OR52A1: variants seen among roughly 807,000 people sequenced by gnomAD.
The protein encoded by OR52A1 is olfactory receptor 52A1.
In OR52A1, 14 loss-of-function variants were observed where a neutral mutation model predicts 14.3. That is an observed-to-expected ratio of 0.98 (90% CI 0.65 to 1.54). The LOEUF is 1.54. Among genes scored for constraint, OR52A1 ranks in the 40% most tolerant of loss-of-function variants. OR52A1 has a pLI of 0.00. For synonymous variants in OR52A1, 151 were observed against 135.3 expected, an observed-to-expected ratio of 1.12 and a Z score of -0.80; for missense variants, 405 against 381.3, an observed-to-expected ratio of 1.06 and a Z score of -0.52.
intron 1 of OR52A1, among the ~76,000 whole-genome samples, chr11:5,153,403 T>C (rs1392354181): frequency 6.6e-6 from 1 of 152,132 alleles, no homozygotes; most frequent in African/African-American, 2.4e-5. Flanking sequence ...ATAAAAAAGC[T>C]AAAGGACAGA....
rs538680528 is a variant in OR52A1 at position 5,148,359 on chromosome 11, G to A, written c.*3072C>T. On this transcript the variant is annotated 3_prime_UTR_variant, in exon 2 of 2. Transcript: ENST00000380367. ...TCCTGCCTCAGCCTCCCGAGTAGCTGGGATTACAGGCACCCCCCCAACACG... is the reference window on the plus strand; with the variant it reads ...TCCTGCCTCAGCCTCCCGAGTAGCTAGGATTACAGGCACCCCCCCAACACG... 1.3e-5 allele frequency: 2 copies of A among 152,056 alleles called. No homozygotes were observed. The highest frequency in any genetic ancestry group is 4.2e-4 in the South Asian group (2 of 4,796). 9.4% of individuals were successfully genotyped at this position (152,056 alleles called of 1,614,324 possible). A position where few individuals can be genotyped will look rare whatever the true frequency, so the allele number is the denominator to read the frequency against.
In OR52A1 at chr11:5,152,417, T is replaced by C; in HGVS notation, c.-48A>G. 2 of 1,338,348 alleles carry C rather than the reference T, an allele frequency of 1.5e-6. No homozygotes were observed. The highest frequency in any genetic ancestry group is 1.0e-6 in the Non-Finnish European group (1 of 965,944). 82.9% of individuals were successfully genotyped at this position (1,338,348 alleles called of 1,614,324 possible). ...CAAACAAAAGAAGTTTCTCAGTCAG[T>C]GTTACTGTTCCTCTTCTGCTTTCTG... On this transcript the variant is annotated 5_prime_UTR_variant, in exon 2 of 2. Transcript: ENST00000380367.
Position 5,148,656 on chromosome 11 carries a change from T to C in OR52A1, c.*2775A>G, listed in dbSNP as rs529763030. ...CTTCTACTAGAAAATGCCAATAGCC[T>C]ATTGGAAATCCTCTGGTAAAGTCCT... On this transcript the variant is annotated 3_prime_UTR_variant, in exon 2 of 2. Coordinates refer to ENST00000380367, the MANE Select transcript of OR52A1 (RefSeq NM_012375.3). 4 of 152,304 alleles carry C rather than the reference T, an allele frequency of 2.6e-5. No homozygotes were observed. Among genetic ancestry groups the C allele is most frequent in the East Asian group, 3.9e-4 (2 of 5,184 alleles). 9.4% of individuals were successfully genotyped at this position (152,304 alleles called of 1,614,324 possible).
In OR52A1 at chr11:5,152,531, A is replaced by T. The variant is rs1315139693; in HGVS notation, c.-162T>A. ...TTATTCACAGTTTTGAAAGGAAAAG[A>T]TGGATTCATGGAGATACATCACTGT... On this transcript the variant is annotated 5_prime_UTR_variant, in exon 2 of 2. Transcript: ENST00000380367. The T allele has an allele frequency of 3.3e-6, 2 of 598,226 alleles. No homozygotes were observed. Among genetic ancestry groups the T allele is most frequent in the Non-Finnish European group, 6.0e-6 (2 of 332,004 alleles). 37.1% of individuals were successfully genotyped at this position (598,226 alleles called of 1,614,324 possible). A position where few individuals can be genotyped will look rare whatever the true frequency, so the allele number is the denominator to read the frequency against.
Position 5,152,361 on chromosome 11 carries a change from AATGGAC to A in OR52A1, c.3_8del (p.MetSer1_?2). 6.3e-7 allele frequency: 1 copy of A among 1,596,916 alleles called. No individual in the cohort carries two copies. The highest frequency in any genetic ancestry group is 8.6e-7 in the Non-Finnish European group (1 of 1,167,542). ...AGGGCATGTAGACTGTGATGTTGGA[AATGGAC>A]ATAGTGTCGTTGGGTCTCCTGATGC... On this transcript the variant is annotated start_lost and inframe_deletion, in exon 2 of 2. Coordinates refer to ENST00000380367, the MANE Select transcript of OR52A1 (RefSeq NM_012375.3).
chr11:5,153,998 C>T (rs747939404), intron 1 of OR52A1, among the ~76,000 whole-genome samples: 1 of 152,092 alleles, frequency 6.6e-6, no homozygotes, highest in Admixed American at 6.5e-5. Context: ...GCTGTATCAG[C>T]TAACATACAT....
rs1174676735 is a variant in OR52A1 at position 5,148,681 on chromosome 11, T to C, written c.*2750A>G. 1.3e-5 allele frequency: 2 copies of C among 152,208 alleles called. No homozygotes were observed. Among genetic ancestry groups the C allele is most frequent in the African/African-American group, 2.4e-5 (1 of 41,446 alleles). The allele number at this position is 152,208 out of a possible 1,614,324, so 9.4% of individuals were successfully genotyped here. A position where few individuals can be genotyped will look rare whatever the true frequency, so the allele number is the denominator to read the frequency against. ...TATTGGAAATCCTCTGGTAAAGTCC[T>C]GAGCAATAAAGCCCTTGGAAATAAT... On this transcript the variant is annotated 3_prime_UTR_variant, in exon 2 of 2. Transcript: ENST00000380367.
rs1846522277 is a variant in OR52A1 at position 5,149,948 on chromosome 11, G to C, written c.*1483C>G. The C allele has an allele frequency of 6.6e-6, 1 of 152,088 alleles. No individual in the cohort carries two copies. Among genetic ancestry groups the C allele is most frequent in the South Asian group, 2.1e-4 (1 of 4,820 alleles). The allele number at this position is 152,088 out of a possible 1,614,324, so 9.4% of individuals were successfully genotyped here. A position where few individuals can be genotyped will look rare whatever the true frequency, so the allele number is the denominator to read the frequency against. Reference sequence around the variant, plus strand: ...TCCGTGAAGCCAGAGGATCCACCAGGTGGGTGTATGACAAGCAATCCAATA... The same window carrying C: ...TCCGTGAAGCCAGAGGATCCACCAGCTGGGTGTATGACAAGCAATCCAATA... On this transcript the variant is annotated 3_prime_UTR_variant, in exon 2 of 2. Coordinates refer to ENST00000380367, the MANE Select transcript of OR52A1 (RefSeq NM_012375.3).
chr11:5,153,767 C>T (rs1157804091), intron 1 of OR52A1, among the ~76,000 whole-genome samples: 1 of 149,214 alleles, frequency 6.7e-6, no homozygotes, highest in South Asian at 2.1e-4. Flanking sequence ...TGCTTCATGT[C>T]ACCAATATGC....
At position 5,151,572 on chromosome 11, in the gene OR52A1, C is replaced by T. The variant is rs773485510; in HGVS notation, c.798G>A (p.Arg266=). Residue 266 remains arginine, a synonymous_variant, in exon 2 of 2, where the codon AGG becomes AGA. Coordinates refer to ENST00000380367, the MANE Select transcript of OR52A1 (RefSeq NM_012375.3). ...TATAAGGGGAGATGTGAGACCCAAACCTATGTGTGAAGAAGGAGAAGAAGG... is the reference window on the plus strand; with the variant it reads ...TATAAGGGGAGATGTGAGACCCAAATCTATGTGTGAAGAAGGAGAAGAAGG... The part of the protein sequence containing the change: ...LLAFFSFFTH[R]FGSHISPYIH... 4.0e-5 allele frequency: 64 copies of T among 1,613,718 alleles called. No homozygotes were observed. The highest frequency in any genetic ancestry group is 4.8e-5 in the Non-Finnish European group (57 of 1,179,932).
At position 5,149,517 on chromosome 11, in the gene OR52A1, C is replaced by A. The variant is rs549982852; in HGVS notation, c.*1914G>T. On this transcript the variant is annotated 3_prime_UTR_variant, in exon 2 of 2. Transcript: ENST00000380367. ...ACTCTGTAGAAAAAAAAAATGGATT[C>A]TATTATTTTAATTAGTAGACCTTCT... 36 of 152,100 alleles carry A rather than the reference C, an allele frequency of 2.4e-4. No individual in the cohort carries two copies. The highest frequency in any genetic ancestry group is 7.7e-4 in the African/African-American group (32 of 41,512). 9.4% of individuals were successfully genotyped at this position (152,100 alleles called of 1,614,324 possible).
Position 5,151,573 on chromosome 11 carries a change from C to T in OR52A1, c.797G>A (p.Arg266Lys), listed in dbSNP as rs1211383214. Residue 266 changes from arginine to lysine, a missense_variant, in exon 2 of 2, where the codon AGG (arginine) becomes AAG (lysine). Physicochemically the swap from Arg to Lys is conservative, Grantham distance 26. Coordinates refer to ENST00000380367, the MANE Select transcript of OR52A1 (RefSeq NM_012375.3). ...LLAFFSFFTH[R>K]FGSHISPYIH... is the part of the protein sequence containing the mutation. ...ATAAGGGGAGATGTGAGACCCAAAC[C>T]TATGTGTGAAGAAGGAGAAGAAGGC... 3.1e-6 allele frequency: 5 copies of T among 1,613,838 alleles called. No homozygotes were observed. Among genetic ancestry groups the T allele is most frequent in the Non-Finnish European group, 1.7e-6 (2 of 1,179,942 alleles).
rs1370367323 is a variant in OR52A1, at chr11:5,150,836, G to T, written c.*595C>A. 6.6e-6 allele frequency: 1 copy of T among 150,710 alleles called. No individual in the cohort carries two copies. The highest frequency in any genetic ancestry group is 1.5e-5 in the Non-Finnish European group (1 of 67,736). 9.3% of individuals were successfully genotyped at this position (150,710 alleles called of 1,614,324 possible). On this transcript the variant is annotated 3_prime_UTR_variant, in exon 2 of 2. Coordinates refer to ENST00000380367, the MANE Select transcript of OR52A1 (RefSeq NM_012375.3). ...AATTAATAAAGAAGTAAATTTTGAG[G>T]TTAGCAAAAAAAAAAACAACAACAT... is the stretch of plus-strand genomic sequence containing the variant.
chr11:5,152,428 C>A lies in OR52A1; in HGVS notation c.-59G>T. 1 of 1,222,760 alleles carries A rather than the reference C, an allele frequency of 8.2e-7. No individual in the cohort carries two copies. The highest frequency in any genetic ancestry group is 1.5e-5 in the South Asian group (1 of 64,902). The allele number at this position is 1,222,760 out of a possible 1,614,324, so 75.7% of individuals were successfully genotyped here. ...AGTTTCTCAGTCAGTGTTACTGTTC[C>A]TCTTCTGCTTTCTGATTTTCTCCAA... On this transcript the variant is annotated 5_prime_UTR_variant, in exon 2 of 2. It adds an upstream start codon to the 5' untranslated region. Transcript: ENST00000380367.
Position 5,152,254 on chromosome 11 carries a change from A to G in OR52A1, c.116T>C (p.Ile39Thr). ...IGIPFCAIYL[I>T]AMIGNSLLLS... ...AAGCAAGGAATTTCCAATCATAGCA[A>G]TGAGATAAATGGCACAGAATGGAAT... The change falls in exon 2 of 2, where the codon ATT becomes ACT. Residue 39 changes from isoleucine (I) to threonine (T), a missense_variant. Transcript: ENST00000380367. The G allele has an allele frequency of 6.2e-7, 1 of 1,614,114 alleles. No homozygotes were observed.
In OR52A1 at chr11:5,149,312, T is replaced by C. The variant is rs1846517444; in HGVS notation, c.*2119A>G. 6.6e-6 allele frequency: 1 copy of C among 152,222 alleles called. No homozygotes were observed. 9.4% of individuals were successfully genotyped at this position (152,222 alleles called of 1,614,324 possible). ...GTTGTAGTTTCACATTGTGTCTCTT[T>C]GTTGGACCTATATTACCACATATTT... On this transcript the variant is annotated 3_prime_UTR_variant, in exon 2 of 2. Coordinates refer to ENST00000380367, the MANE Select transcript of OR52A1 (RefSeq NM_012375.3).
chr11:5,147,647 A>G lies in OR52A1; in HGVS notation c.*3784T>C, dbSNP rs1846494613. ...GATACATAGATACAGATATATATGT[A>G]TAGGTATACATATCTGCATATATGT... On this transcript the variant is annotated 3_prime_UTR_variant, in exon 2 of 2. Coordinates refer to ENST00000380367, the MANE Select transcript of OR52A1 (RefSeq NM_012375.3). 6.6e-6 allele frequency: 1 copy of G among 152,210 alleles called. No homozygotes were observed. The highest frequency in any genetic ancestry group is 1.5e-5 in the Non-Finnish European group (1 of 68,042). 9.4% of individuals were successfully genotyped at this position (152,210 alleles called of 1,614,324 possible). A position where few individuals can be genotyped will look rare whatever the true frequency, so the allele number is the denominator to read the frequency against.
rs1262184539 is a variant in OR52A1, at chr11:5,149,833, A to C, written c.*1598T>G. The C allele has an allele frequency of 2.0e-5, 3 of 152,200 alleles. No homozygotes were observed. Among genetic ancestry groups the C allele is most frequent in the Non-Finnish European group, 1.5e-5 (1 of 68,032 alleles). The allele number at this position is 152,200 out of a possible 1,614,324, so 9.4% of individuals were successfully genotyped here. ...GTAATCCAATAAAATTAGCTCTAGTAGATATTGAAACTTGAAACAGTCTCA... is the reference window on the plus strand; with the variant it reads ...GTAATCCAATAAAATTAGCTCTAGTCGATATTGAAACTTGAAACAGTCTCA... On this transcript the variant is annotated 3_prime_UTR_variant, in exon 2 of 2. Transcript: ENST00000380367.
rs555991185 is a variant in OR52A1, at chr11:5,147,534, C to T, written c.*3897G>A. The T allele has an allele frequency of 5.3e-5, 8 of 152,324 alleles. No individual in the cohort carries two copies. In the East Asian group the frequency reaches 1.5e-3, roughly 29 times the overall value. 9.4% of individuals were successfully genotyped at this position (152,324 alleles called of 1,614,324 possible). ...CAACACTGGCTCTTCCCTGAGTCTC[C>T]AGCCTATAGGCTCTCCCTGCAGATT... On this transcript the variant is annotated 3_prime_UTR_variant, in exon 2 of 2. Coordinates refer to ENST00000380367, the MANE Select transcript of OR52A1 (RefSeq NM_012375.3).
Sources: allele counts gnomAD v4.1 joint callset (sites outside exome capture counted in the v4.1 genomes callset), GRCh38; gene constraint gnomAD v4.1.1; transcripts MANE v1.5; gene names NCBI Gene and HGNC (gene_info 2026-07-23, HGNC 2026-07-21).